The following CAMK2G variants were observed in gnomAD, a reference collection of about 807,000 sequenced individuals.
CAMK2G encodes calcium/calmodulin dependent protein kinase II gamma.
CAMK2G carries 23 observed loss-of-function variants against 88.7 expected under a neutral mutation model. The observed-to-expected ratio is 0.26, with a 90% CI of 0.19 to 0.37. The LOEUF (loss-of-function observed/expected upper bound fraction) is 0.37, where lower values mean the gene tolerates loss of function less well. Ranked by LOEUF, CAMK2G falls within the 10% of genes least tolerant of loss-of-function variation. The probability of loss-of-function intolerance (pLI) is 1.00; values close to 1 mark genes in which losing one functional copy is unlikely to be tolerated. For missense variants in CAMK2G, 476 were observed against 780.8 expected (o/e 0.61, Z 4.65); for synonymous variants, 263 against 294.8 (o/e 0.89, Z 1.11).
chr10:73,860,368 G>C (rs1432200211), intron 3 of CAMK2G, among the ~76,000 whole-genome samples: 1 of 152,144 alleles, frequency 6.6e-6, no homozygotes, highest in Non-Finnish European at 1.5e-5. Flanking sequence ...CCTGGCTCTG[G>C]GGAATACAAA....
rs527547471 is a variant in CAMK2G, at chr10:73,819,927, G to A, written c.1250-282C>T. 3.3e-5 allele frequency among the ~76,000 whole-genome samples: 5 copies of A among 152,298 alleles called. No homozygotes were observed. The South Asian group carries it at 6.2e-4, about 19-fold the overall frequency. On this transcript the variant is annotated intron_variant, in intron 18 of 22. Coordinates refer to ENST00000423381, the MANE Select transcript of CAMK2G (RefSeq NM_001367534.1). ...AGCCTGTCCAAGGACCCCTGATCCC[G>A]GGGAAGATGTTCCAGGGGGCCAGGC...
chr10:73,874,378 C>T lies in CAMK2G; in HGVS notation c.65+19G>A. On this transcript the variant is annotated intron_variant, in intron 1 of 22. Coordinates refer to ENST00000423381, the MANE Select transcript of CAMK2G (RefSeq NM_001367534.1). Reference sequence around the variant, plus strand: ...CCGGGCGGCAGGGCAGGCAGGGGACCGCGGCGGGCGGGCCGTACTTGCCAA... The same window carrying T: ...CCGGGCGGCAGGGCAGGCAGGGGACTGCGGCGGGCGGGCCGTACTTGCCAA... 1 of 1,470,038 alleles carries T rather than the reference C, an allele frequency of 6.8e-7. No individual in the cohort carries two copies. Among genetic ancestry groups the T allele is most frequent in the Non-Finnish European group, 9.1e-7 (1 of 1,097,146 alleles). 91.1% of individuals were successfully genotyped at this position (1,470,038 alleles called of 1,614,324 possible).
At chr10:73,859,637 C>T (rs1455158430) in intron 3 of CAMK2G, among the ~76,000 whole-genome samples, 3 of 152,214 alleles carry the variant, frequency 2.0e-5, no homozygotes, top group Non-Finnish European at 4.4e-5. Context: ...GCTGGCTCTG[C>T]AGAACACACT....
Position 73,816,893 on chromosome 10 carries a change from C to G in CAMK2G, c.1534+130G>C, listed in dbSNP as rs757862184. ...ATCGGGGCACAAGGGGACAAGCATA[C>G]AGAGTAGGAGTGCAGCACGAAGGTC... On this transcript the variant is annotated intron_variant, in intron 21 of 22. Transcript: ENST00000423381. The G allele has an allele frequency of 2.5e-6, 4 of 1,608,856 alleles. No individual in the cohort carries two copies. The African/African-American group carries it at 5.3e-5, about 22-fold the overall frequency.
chr10:73,872,990 C>A lies in CAMK2G; in HGVS notation c.159G>T (p.Arg53=), dbSNP rs768334629. Residue 53 remains arginine, a splice_region_variant and synonymous_variant, in exon 2 of 23, where the codon CGG becomes CGT. Coordinates refer to ENST00000423381, the MANE Select transcript of CAMK2G (RefSeq NM_001367534.1). ...GAGGTCAAGACAGGGAACACTCACC[C>A]CGGGCAGACAACTTCTTGGTATTGA... is the stretch of plus-strand genomic sequence containing the variant. ...KIINTKKLSA[R]DHQKLEREAR... 6.2e-7 allele frequency: 1 copy of A among 1,605,196 alleles called. No homozygotes were observed. Among genetic ancestry groups the A allele is most frequent in the East Asian group, 2.2e-5 (1 of 44,870 alleles).
chr10:73,859,371 T>C (rs753012377), intron 3 of CAMK2G, among the ~76,000 whole-genome samples: 1 of 152,198 alleles, frequency 6.6e-6, no homozygotes, highest in Non-Finnish European at 1.5e-5. Context: ...GGGGAATAGA[T>C]TTTTTCTTTT....
At chr10:73,862,043 T>A (rs2095402072) in intron 2 of CAMK2G, among the ~76,000 whole-genome samples, 1 of 152,168 alleles carries the variant, frequency 6.6e-6, no homozygotes, top group African/African-American at 2.4e-5. Context: ...ACTCCAGGAT[T>A]ACTTGGTTTT....
At chr10:73,851,055 A>G (rs938087643) in intron 5 of CAMK2G, among the ~76,000 whole-genome samples, 1 of 151,996 alleles carries the variant, frequency 6.6e-6, no homozygotes, top group Admixed American at 6.6e-5. Flanking sequence ...TCCGTCCCAG[A>G]GCCTCGTCCT....
At chr10:73,857,748 C>T (rs2095144620) in intron 3 of CAMK2G, among the ~76,000 whole-genome samples, 1 of 152,172 alleles carries the variant, frequency 6.6e-6, no homozygotes, top group African/African-American at 2.4e-5. Flanking sequence ...TCATTCAGAC[C>T]TCAGACCTCA....
chr10:73,857,751 A>G (rs2095144862), intron 3 of CAMK2G, among the ~76,000 whole-genome samples: 2 of 152,204 alleles, frequency 1.3e-5, no homozygotes, highest in South Asian at 4.1e-4. Context: ...TTCAGACCTC[A>G]GACCTCACAC....
In CAMK2G at chr10:73,813,838, T is replaced by C. The variant is rs2132960616; in HGVS notation, c.*680A>G. The C allele has an allele frequency of 6.6e-6, 1 of 152,548 alleles. No individual in the cohort carries two copies. Among genetic ancestry groups the C allele is most frequent in the East Asian group, 1.9e-4 (1 of 5,172 alleles). The allele number at this position is 152,548 out of a possible 1,614,324, so 9.4% of individuals were successfully genotyped here. ...GGGTACACTTCTGCAGCACCAATTC[T>C]CTTCCCTTCTACACTAAACAAGACA... On this transcript the variant is annotated 3_prime_UTR_variant, in exon 23 of 23. Coordinates refer to ENST00000423381, the MANE Select transcript of CAMK2G (RefSeq NM_001367534.1).
chr10:73,834,383 T>G (rs1003389290), intron 14 of CAMK2G, among the ~76,000 whole-genome samples: 2 of 152,222 alleles, frequency 1.3e-5, no homozygotes, highest in African/African-American at 4.8e-5. Context: ...CAAAAGAATG[T>G]GGCATAAAAC....
At chr10:73,815,599 T>C (rs1214594093) in intron 21 of CAMK2G, among the ~76,000 whole-genome samples, 1 of 152,186 alleles carries the variant, frequency 6.6e-6, no homozygotes, top group African/African-American at 2.4e-5. Context: ...TTTGCTCAAA[T>C]CACACACCTG....
chr10:73,818,884 G>A (rs545845013), intron 19 of CAMK2G: 42 of 452,992 alleles, frequency 9.3e-5, no homozygotes, highest in African/African-American at 8.0e-4. Flanking sequence ...GCATCCTCCA[G>A]CACAGACGTA....
At chr10:73,833,811 C>T (rs1565281613) in intron 14 of CAMK2G, among the ~76,000 whole-genome samples, 1 of 149,594 alleles carries the variant, frequency 6.7e-6, no homozygotes, top group Non-Finnish European at 1.5e-5. Context: ...GTTGGCCAGG[C>T]TGGTCTCGAA....
In CAMK2G at chr10:73,874,512, C is replaced by T. The variant is rs754492903; in HGVS notation, c.-51G>A. 1.5e-6 allele frequency: 2 copies of T among 1,308,198 alleles called. No individual in the cohort carries two copies. The highest frequency in any genetic ancestry group is 2.0e-6 in the Non-Finnish European group (2 of 980,578). 81.0% of individuals were successfully genotyped at this position (1,308,198 alleles called of 1,614,324 possible). A position where few individuals can be genotyped will look rare whatever the true frequency, so the allele number is the denominator to read the frequency against. On this transcript the variant is annotated 5_prime_UTR_variant, in exon 1 of 23. In the 5' UTR this introduces an upstream ATG that the reference lacks. Transcript: ENST00000423381. ...TGCAGCCCGCGCCGACGTCGGTGCA[C>T]AGTCACCGCCGCCCGGCCGAGGGAG... is the stretch of plus-strand genomic sequence containing the variant.
At chr10:73,819,668 GGCAGGGCAAGGCAGA>G in intron 18 of CAMK2G, 23 bp from the exon 19 acceptor site, 1 of 1,414,896 alleles carries the variant, frequency 7.1e-7, no homozygotes, top group Non-Finnish European at 9.6e-7. Flanking sequence ...GGCAGGGCAG[GGCAGGGCAAGGCAGA>G]GCAGCCAAAA....
At chr10:73,861,245 G>A (rs188362478) in intron 2 of CAMK2G, among the ~76,000 whole-genome samples, 44 of 152,300 alleles carry the variant, frequency 2.9e-4, no homozygotes, top group African/African-American at 9.9e-4. Context: ...TTGAGGGTTT[G>A]CACACTTCGA....
intron 3 of CAMK2G, among the ~76,000 whole-genome samples, chr10:73,856,726 G>A (rs2095065569): frequency 6.6e-6 from 1 of 152,232 alleles, no homozygotes; most frequent in African/African-American, 2.4e-5. Flanking sequence ...TCTGGGGAAA[G>A]GAGTATAAAG....
Sources: gnomAD v4.1 joint callset for allele counts (sites outside exome capture counted in the v4.1 genomes callset) on GRCh38, gnomAD v4.1.1 for gene constraint, MANE v1.5 for transcripts, NCBI Gene and HGNC (gene_info 2026-07-23, HGNC 2026-07-21) for gene names.